The following SEMA5A variants were observed in gnomAD, a reference collection of about 807,000 sequenced individuals.
The protein encoded by SEMA5A is semaphorin 5A, also known as semaphorin-5A.
A neutral mutation model predicts 135.5 loss-of-function variants in SEMA5A; 55 were observed. The ratio of observed to expected loss-of-function variants is 0.41; its 90% confidence interval spans 0.33 to 0.51. The LOEUF (loss-of-function observed/expected upper bound fraction) is 0.51, where lower values mean the gene tolerates loss of function less well. Ranked by LOEUF, SEMA5A falls within the 20% of genes least tolerant of loss-of-function variation. The probability of loss-of-function intolerance (pLI) is 0.37; values close to 1 mark genes in which losing one functional copy is unlikely to be tolerated. For synonymous variants in SEMA5A, 580 were observed against 546.5 expected, an observed-to-expected ratio of 1.06 and a Z score of -0.85; for missense variants, 1,290 against 1,419.9, an observed-to-expected ratio of 0.91 and a Z score of 1.47.
intron 15 of SEMA5A, among the ~76,000 whole-genome samples, chr5:9,117,482 G>T (rs1740580997): frequency 6.6e-6 from 1 of 152,148 alleles, no homozygotes; most frequent in South Asian, 2.1e-4. Context: ...TTGGGGATAG[G>T]ACCCAAGTCT....
At chr5:9,453,785 C>G (rs1758734015) in intron 1 of SEMA5A, among the ~76,000 whole-genome samples, 1 of 152,076 alleles carries the variant, frequency 6.6e-6, no homozygotes, top group Non-Finnish European at 1.5e-5. Flanking sequence ...ACCACATGCT[C>G]TCAATGATAA....
At chr5:9,234,767 A>G (rs1342997821) in intron 6 of SEMA5A, among the ~76,000 whole-genome samples, 2 of 152,214 alleles carry the variant, frequency 1.3e-5, no homozygotes, top group African/African-American at 4.8e-5. Flanking sequence ...TTTTTAATCC[A>G]TTAAAACCCA....
At chr5:9,480,092 A>G (rs1759818560) in intron 1 of SEMA5A, among the ~76,000 whole-genome samples, 1 of 57,894 alleles carries the variant, frequency 1.7e-5, no homozygotes, top group Non-Finnish European at 4.7e-5. Flanking sequence ...GCACTGTAGG[A>G]CATTCACCAG....
At chr5:9,320,545 A>G (rs1270317818) in intron 4 of SEMA5A, among the ~76,000 whole-genome samples, 1 of 152,088 alleles carries the variant, frequency 6.6e-6, no homozygotes, top group Non-Finnish European at 1.5e-5. Flanking sequence ...CCCTATCTCT[A>G]CAAAAAAAGA....
At chr5:9,258,038 C>T (rs1301724700) in intron 5 of SEMA5A, among the ~76,000 whole-genome samples, 1 of 152,136 alleles carries the variant, frequency 6.6e-6, no homozygotes, top group Non-Finnish European at 1.5e-5. Flanking sequence ...AGATTTTGAC[C>T]TGCTGAATAC....
In SEMA5A at chr5:9,066,594, G is replaced by A. The variant is rs1345432386; in HGVS notation, c.2126C>T (p.Pro709Leu). 2 of 1,614,148 alleles carry A rather than the reference G, an allele frequency of 1.2e-6. No individual in the cohort carries two copies. Among genetic ancestry groups the A allele is most frequent in the South Asian group, 1.1e-5 (1 of 91,080 alleles). The change falls in exon 17 of 23, where the codon CCC becomes CTC. Residue 709 changes from proline (P) to leucine (L), a missense_variant. Pro to Leu is a moderately conservative substitution (Grantham distance 98, BLOSUM62 -3). Coordinates refer to ENST00000382496, the MANE Select transcript of SEMA5A (RefSeq NM_003966.3). ...GTTGACAGGTGTCCAGGGTGTCCAG[G>A]GCGTGGTCTTCTTCAGCTCAGGACA... ...NPCPELKKTT[P>L]WTPWTPVNIS...
chr5:9,126,625 G>T (rs1741128928), intron 13 of SEMA5A, among the ~76,000 whole-genome samples: 1 of 151,824 alleles, frequency 6.6e-6, no homozygotes, highest in Non-Finnish European at 1.5e-5. Flanking sequence ...AATTCCTCAA[G>T]CCTGACTCCC....
At chr5:9,215,382 AC>A (rs112030517) in intron 8 of SEMA5A, among the ~76,000 whole-genome samples, 4,456 of 152,204 alleles carry the variant, frequency 0.029, 234 homozygotes, top group African/African-American at 0.1. Context: ...TGAAGTCCCA[AC>A]CCCCAATTTT....
At chr5:9,216,875 C>T (rs1434354374) in intron 8 of SEMA5A, among the ~76,000 whole-genome samples, 1 of 152,106 alleles carries the variant, frequency 6.6e-6, no homozygotes, top group Non-Finnish European at 1.5e-5. Flanking sequence ...ATGGGTGTCA[C>T]TTCATGTGAC....
intron 2 of SEMA5A, among the ~76,000 whole-genome samples, chr5:9,403,306 T>C (rs1256581420): frequency 6.6e-6 from 1 of 152,186 alleles, no homozygotes; most frequent in Non-Finnish European, 1.5e-5. Context: ...TTTAGTACAG[T>C]ACACATTTTT....
intron 16 of SEMA5A, among the ~76,000 whole-genome samples, chr5:9,076,008 A>G (rs1039044780): frequency 3.1e-4 from 47 of 151,920 alleles, no homozygotes; most frequent in African/African-American, 1.0e-3. Flanking sequence ...AGATCAAGAC[A>G]ATCCTGGTCA....
intron 15 of SEMA5A, among the ~76,000 whole-genome samples, chr5:9,113,498 T>C (rs1740351876): frequency 6.6e-6 from 1 of 152,228 alleles, no homozygotes; most frequent in Non-Finnish European, 1.5e-5. Flanking sequence ...ACGTGATGCA[T>C]GTGCCAATTG....
intron 11 of SEMA5A, among the ~76,000 whole-genome samples, chr5:9,166,100 A>C (rs1743591833): frequency 6.6e-6 from 1 of 152,174 alleles, no homozygotes; most frequent in Non-Finnish European, 1.5e-5. Flanking sequence ...TCCTGGTCAT[A>C]AATTAAAAGC....
intron 6 of SEMA5A, among the ~76,000 whole-genome samples, chr5:9,237,419 AATCT>A (rs959454978): frequency 4.6e-5 from 7 of 152,220 alleles, no homozygotes; most frequent in Admixed American, 3.3e-4. Context: ...TAAGATAAAG[AATCT>A]ATCACAAATA....
At chr5:9,468,161 G>T (rs1182759779) in intron 1 of SEMA5A, among the ~76,000 whole-genome samples, 1 of 152,196 alleles carries the variant, frequency 6.6e-6, no homozygotes, top group Non-Finnish European at 1.5e-5. Context: ...CCGGGAAAGA[G>T]ACTCTCATGA....
chr5:9,230,158 C>CTTTTTTTTTTT lies in SEMA5A; in HGVS notation c.334-3202_334-3192dup, dbSNP rs5865817. On this transcript the variant is annotated intron_variant, in intron 6 of 22. Coordinates refer to ENST00000382496, the MANE Select transcript of SEMA5A (RefSeq NM_003966.3). ...TGCCACCACCCCTGGCTATTTTTTT[C>CTTTTTTTTTTT]TTTTTTTTTTTTTTTTTTTTTTGTA... Among the ~76,000 whole-genome samples the CTTTTTTTTTTT allele has an allele frequency of 2.2e-3, 218 of 98,186 alleles. 1 individual carries two copies. Among genetic ancestry groups the CTTTTTTTTTTT allele is most frequent in the East Asian group, 3.8e-3 (12 of 3,192 alleles). The allele number at this position is 98,186 out of a possible 152,430, so 64.4% of individuals were successfully genotyped here.
intron 1 of SEMA5A, among the ~76,000 whole-genome samples, chr5:9,477,528 G>A (rs948537634): frequency 6.6e-6 from 1 of 152,188 alleles, no homozygotes. Flanking sequence ...CTCTCAGATG[G>A]AGATGAGGAA....
At chr5:9,229,138 C>T (rs1486759721) in intron 6 of SEMA5A, among the ~76,000 whole-genome samples, 5 of 152,158 alleles carry the variant, frequency 3.3e-5, no homozygotes, top group Non-Finnish European at 7.3e-5. Context: ...GGATTATCCT[C>T]CTAACATTAT....
chr5:9,521,461 T>C (rs1736828361), intron 1 of SEMA5A, among the ~76,000 whole-genome samples: 1 of 151,104 alleles, frequency 6.6e-6, no homozygotes, highest in African/African-American at 2.4e-5. Context: ...AAGTTTATCT[T>C]GTTAAAAAAA....
Sources: gnomAD v4.1 joint callset for allele counts (sites outside exome capture counted in the v4.1 genomes callset) on GRCh38, gnomAD v4.1.1 for gene constraint, MANE v1.5 for transcripts, NCBI Gene and HGNC (gene_info 2026-07-23, HGNC 2026-07-21) for gene names.